ZC3H14: variants seen among roughly 807,000 people sequenced by gnomAD.
ZC3H14 encodes the protein zinc finger CCCH-type containing 14.
In ZC3H14, 31 loss-of-function variants were observed where a neutral mutation model predicts 92.4. That is an observed-to-expected ratio of 0.34 (90% CI 0.25 to 0.45). The LOEUF (loss-of-function observed/expected upper bound fraction) is 0.45, where lower values mean the gene tolerates loss of function less well. ZC3H14 is among the 20% of genes least tolerant of loss of function. The pLI, the probability that ZC3H14 is intolerant of heterozygous loss-of-function variation, is 1.00. For synonymous variants in ZC3H14, 321 were observed against 300.9 expected, an observed-to-expected ratio of 1.07 and a Z score of -0.69; for missense variants, 781 against 897.3, an observed-to-expected ratio of 0.87 and a Z score of 1.66.
rs904217142 is a variant in ZC3H14 at position 88,574,969 on chromosome 14, C to T, written c.1022+116C>T. On this transcript the variant is annotated intron_variant, in intron 7 of 16. Transcript: ENST00000251038. ...GTTTGTTTTTTGAGACGGAGTCTCG[C>T]TCTGTCAACCAGGCTGGAGTGCAGT... The T allele has an allele frequency of 4.8e-6, 7 of 1,466,286 alleles. No individual in the cohort carries two copies. The African/African-American group carries it at 8.4e-5, about 18-fold the overall frequency. 90.8% of individuals were successfully genotyped at this position (1,466,286 alleles called of 1,614,324 possible).
chr14:88,564,374 G>C (rs1323995792), intron 2 of ZC3H14, among the ~76,000 whole-genome samples: 1 of 152,158 alleles, frequency 6.6e-6, no homozygotes, highest in Non-Finnish European at 1.5e-5. Context: ...ATCCCTACGA[G>C]AATCCTGGAA....
chr14:88,571,698 A>T (rs1209345125), intron 4 of ZC3H14, among the ~76,000 whole-genome samples: 1 of 152,238 alleles, frequency 6.6e-6, no homozygotes, highest in African/African-American at 2.4e-5. Flanking sequence ...ACGGTGGCTC[A>T]CGCCTGTAAT....
rs989220252 is a variant in ZC3H14 at position 88,584,723 on chromosome 14, T to C, written c.1279+6583T>C. Among the ~76,000 whole-genome samples the C allele has an allele frequency of 2.6e-5, 4 of 152,286 alleles. No individual in the cohort carries two copies. The South Asian group carries it at 8.3e-4, about 32-fold the overall frequency. ...ATTGCAGTGAAAGGTGATCTCGCAG[T>C]TCTTGCATATTTTTCATCATGTTTA... is the stretch of plus-strand genomic sequence containing the variant. On this transcript the variant is annotated intron_variant, in intron 9 of 16. Coordinates refer to ENST00000251038, the MANE Select transcript of ZC3H14 (RefSeq NM_024824.5).
Position 88,563,073 on chromosome 14 carries a change from G to A in ZC3H14, c.-61G>A. 3 of 1,543,990 alleles carry A rather than the reference G, an allele frequency of 1.9e-6. No individual in the cohort carries two copies. Among genetic ancestry groups the A allele is most frequent in the South Asian group, 2.4e-5 (2 of 84,226 alleles). On this transcript the variant is annotated 5_prime_UTR_variant, in exon 1 of 17. Coordinates refer to ENST00000251038, the MANE Select transcript of ZC3H14 (RefSeq NM_024824.5). ...TGTCCCGGCTGCGGGGTAGGAGTCC[G>A]CGGCAGCCTCCGGGTAAGCCAAGCG...
rs1247672745 is a variant in ZC3H14, at chr14:88,617,452, TG to T, written c.*5702del. 6.6e-6 allele frequency: 1 copy of T among 152,272 alleles called. No individual in the cohort carries two copies. Among genetic ancestry groups the T allele is most frequent in the Non-Finnish European group, 1.5e-5 (1 of 68,198 alleles). The allele number at this position is 152,272 out of a possible 1,614,324, so 9.4% of individuals were successfully genotyped here. A position where few individuals can be genotyped will look rare whatever the true frequency, so the allele number is the denominator to read the frequency against. ...TGAGCCACCGCGCCTGACTGAAAAC[TG>T]ATAGAACTATTTTTCAAATTAAAAG... On this transcript the variant is annotated 3_prime_UTR_variant, in exon 17 of 17. Coordinates refer to ENST00000251038, the MANE Select transcript of ZC3H14 (RefSeq NM_024824.5).
At chr14:88,595,774 T>A (rs947302345) in intron 9 of ZC3H14, among the ~76,000 whole-genome samples, 2 of 152,234 alleles carry the variant, frequency 1.3e-5, no homozygotes, top group African/African-American at 4.8e-5. Context: ...ATCTTTGCAC[T>A]GAGTAAGCAA....
rs1435678998 is a variant in ZC3H14 at position 88,614,675 on chromosome 14, C to G, written c.*2924C>G. ...TTCAGGAAACTACAGATAGGCTAGA[C>G]AGCGAATTCCTGAATGATGAGTAGT... On this transcript the variant is annotated 3_prime_UTR_variant, in exon 17 of 17. Transcript: ENST00000251038. 6.6e-6 allele frequency: 1 copy of G among 152,120 alleles called. No individual in the cohort carries two copies. Among genetic ancestry groups the G allele is most frequent in the Admixed American group, 6.5e-5 (1 of 15,274 alleles). The allele number at this position is 152,120 out of a possible 1,614,324, so 9.4% of individuals were successfully genotyped here.
At chr14:88,601,224 C>T (rs1435342753) in intron 10 of ZC3H14, among the ~76,000 whole-genome samples, 1 of 151,932 alleles carries the variant, frequency 6.6e-6, no homozygotes, top group African/African-American at 2.4e-5. Context: ...AAATGAATAC[C>T]CTGTAAATTT....
Position 88,579,773 on chromosome 14 carries a change from A to G in ZC3H14, c.1279+1633A>G, listed in dbSNP as rs117457659. ...TCAAGGTCAAGTCCTGTGCCGAATT[A>G]AAAGATAAAAGGGAATAAAAGACAA... On this transcript the variant is annotated intron_variant, in intron 9 of 16. Coordinates refer to ENST00000251038, the MANE Select transcript of ZC3H14 (RefSeq NM_024824.5). Among the ~76,000 whole-genome samples, 460 of 152,360 alleles carry G rather than the reference A, an allele frequency of 3.0e-3. 2 individuals carry two copies. Among genetic ancestry groups the G allele is most frequent in the Admixed American group, 7.1e-3 (109 of 15,300 alleles).
At chr14:88,594,458 TAGG>T in intron 9 of ZC3H14, 1 of 1,285,740 alleles carries the variant, frequency 7.8e-7, no homozygotes, top group Non-Finnish European at 9.9e-7. Context: ...CCCTACGTAT[TAGG>T]GCTTCTTAGT....
chr14:88,588,328 CAAAG>C (rs1001850808), intron 9 of ZC3H14, among the ~76,000 whole-genome samples: 10 of 152,306 alleles, frequency 6.6e-5, no homozygotes, highest in East Asian at 1.9e-4. Context: ...AATCACGTCA[CAAAG>C]AAACTCCTTA....
At position 88,625,214 on chromosome 14, in the gene ZC3H14, T is replaced by C; in HGVS notation, c.*13463T>C. On this transcript the variant is annotated 3_prime_UTR_variant, in exon 17 of 17. Coordinates refer to ENST00000251038, the MANE Select transcript of ZC3H14 (RefSeq NM_024824.5). ...ATAATTTTCTATGTATGTGTAATGC[T>C]GTCTCACCCTTGATACAAAGAGCAT... is the stretch of plus-strand genomic sequence containing the variant. 7 of 1,442,612 alleles carry C rather than the reference T, an allele frequency of 4.9e-6. No homozygotes were observed. The highest frequency in any genetic ancestry group is 2.7e-5 in the South Asian group (2 of 73,696). The allele number at this position is 1,442,612 out of a possible 1,614,324, so 89.4% of individuals were successfully genotyped here.
Position 88,618,438 on chromosome 14 carries a change from CATT to C in ZC3H14, c.*6692_*6694del, listed in dbSNP as rs1167742885. Reference sequence around the variant, plus strand: ...ATTGCTACTTGATTTACATGTCTAACATTATTAAGTATGCAAAAGATCACTACA... The same window carrying C: ...ATTGCTACTTGATTTACATGTCTAACATTAAGTATGCAAAAGATCACTACA... On this transcript the variant is annotated 3_prime_UTR_variant, in exon 17 of 17. Transcript: ENST00000251038. 5.2e-6 allele frequency: 6 copies of C among 1,143,558 alleles called. No homozygotes were observed. The highest frequency in any genetic ancestry group is 4.3e-5 in the Admixed American group (2 of 46,576). The allele number at this position is 1,143,558 out of a possible 1,614,324, so 70.8% of individuals were successfully genotyped here.
rs534601866 is a variant in ZC3H14, at chr14:88,613,700, G to C, written c.*1949G>C. 6.6e-6 allele frequency: 1 copy of C among 152,224 alleles called. No homozygotes were observed. The highest frequency in any genetic ancestry group is 2.1e-4 in the South Asian group (1 of 4,818). 9.4% of individuals were successfully genotyped at this position (152,224 alleles called of 1,614,324 possible). On this transcript the variant is annotated 3_prime_UTR_variant, in exon 17 of 17. Coordinates refer to ENST00000251038, the MANE Select transcript of ZC3H14 (RefSeq NM_024824.5). ...GAGCATGGTTGGCGATTGGAAGCAA[G>C]GGTACCAGAGGGCACAGTGTGCTTT...
intron 9 of ZC3H14, chr14:88,590,100 A>T (rs1486344050): frequency 1.3e-5 from 2 of 151,980 alleles, no homozygotes; most frequent in Non-Finnish European, 2.9e-5. Flanking sequence ...ACTGCACTCT[A>T]GCCTTGGTGA....
rs758488391 is a variant in ZC3H14, at chr14:88,609,389, T to G, written c.1991T>G (p.Leu664Arg). ...FTHVSRRIPV[L>R]SPKPAVAPPA... ...CATGTGAGTAGAAGAATTCCAGTAC[T>G]GTCTCCAAAACCAGGTGAGTGAGTG... The change falls in exon 14 of 17, where the codon CTG (leucine) becomes CGG (arginine). Residue 664 changes from leucine to arginine, a missense_variant. By Grantham distance (102) the Leu-to-Arg change is moderately radical. Transcript: ENST00000251038. 1.9e-6 allele frequency: 3 copies of G among 1,614,114 alleles called. No individual in the cohort carries two copies. In the South Asian group the frequency reaches 3.3e-5, roughly 18 times the overall value.
At chr14:88,573,210 C>G (rs1266732220) in intron 6 of ZC3H14, among the ~76,000 whole-genome samples, 1 of 151,818 alleles carries the variant, frequency 6.6e-6, no homozygotes, top group Non-Finnish European at 1.5e-5. Flanking sequence ...GAAACCCCGT[C>G]TCTACTAAAA....
intron 9 of ZC3H14, among the ~76,000 whole-genome samples, chr14:88,593,687 GTTGGA>G (rs1398454590): frequency 2.0e-5 from 3 of 151,994 alleles, no homozygotes; most frequent in Admixed American, 2.0e-4. Flanking sequence ...AAAGAATGAA[GTTGGA>G]ACCTTATCTT....
chr14:88,616,664 G>A lies in ZC3H14; in HGVS notation c.*4913G>A. The A allele has an allele frequency of 7.0e-7, 1 of 1,437,064 alleles. No individual in the cohort carries two copies. Among genetic ancestry groups the A allele is most frequent in the Non-Finnish European group, 9.4e-7 (1 of 1,063,408 alleles). The allele number at this position is 1,437,064 out of a possible 1,614,324, so 89.0% of individuals were successfully genotyped here. On this transcript the variant is annotated 3_prime_UTR_variant, in exon 17 of 17. Coordinates refer to ENST00000251038, the MANE Select transcript of ZC3H14 (RefSeq NM_024824.5). The stretch of plus-strand genomic sequence containing the variant: ...ACATTTTAAATATATGGGGAAAAGT[G>A]CTGATGATAAGACATCAAAATTAGG...
Sources: allele counts gnomAD v4.1 joint callset (sites outside exome capture counted in the v4.1 genomes callset), GRCh38; gene constraint gnomAD v4.1.1; transcripts MANE v1.5; gene names NCBI Gene and HGNC (gene_info 2026-07-23, HGNC 2026-07-21).